ASIC2: variants seen among roughly 807,000 people sequenced by gnomAD.
The protein encoded by ASIC2 is acid-sensing ion channel 2.
In ASIC2, 25 loss-of-function variants were observed where a neutral mutation model predicts 57.3. The ratio of observed to expected loss-of-function variants is 0.44; its 90% CI spans 0.32 to 0.61. The LOEUF (loss-of-function observed/expected upper bound fraction) is 0.61, where lower values mean the gene tolerates loss of function less well. ASIC2 is among the 20% of genes least tolerant of loss of function. ASIC2 has a pLI of 0.06. For synonymous variants in ASIC2, 319 were observed against 307.5 expected (o/e 1.04, Z -0.39); for missense variants, 641 against 738.1 (o/e 0.87, Z 1.52).
chr17:33,939,813 A>C (rs1395632237), intron 1 of ASIC2, among the ~76,000 whole-genome samples: 1 of 152,210 alleles, frequency 6.6e-6, no homozygotes, highest in Non-Finnish European at 1.5e-5. Flanking sequence ...CTCATGGGAC[A>C]CATGATTTCT....
At chr17:33,779,421 A>G (rs540882564) in intron 1 of ASIC2, among the ~76,000 whole-genome samples, 1 of 152,338 alleles carries the variant, frequency 6.6e-6, no homozygotes, top group African/African-American at 2.4e-5. Flanking sequence ...CGGCTCAGCA[A>G]AAGTCTAGTT....
At chr17:33,781,984 G>A (rs1233333759) in intron 1 of ASIC2, among the ~76,000 whole-genome samples, 1 of 152,072 alleles carries the variant, frequency 6.6e-6, no homozygotes, top group East Asian at 1.9e-4. Flanking sequence ...CCCCTGCATG[G>A]TCTCCCTGCC....
rs560043249 is a variant in ASIC2 at position 33,200,210 on chromosome 17, CTT to C, written c.709-88145_709-88144del. Among the ~76,000 whole-genome samples the C allele has an allele frequency of 1.2e-3, 178 of 152,344 alleles. 1 individual carries two copies. The highest frequency in any genetic ancestry group is 1.4e-3 in the Non-Finnish European group (93 of 68,040). ...CTGAAATGGCTTTTTCTTCTTCTCT[CTT>C]GGACTGAAGGCGAGTCTCACATCTG... is the stretch of plus-strand genomic sequence containing the variant. On this transcript the variant is annotated intron_variant, in intron 1 of 9. Transcript: ENST00000225823.
chr17:33,617,416 C>T lies in ASIC2; in HGVS notation c.556-505349G>A, dbSNP rs542865676. Among the ~76,000 whole-genome samples, 7 of 152,270 alleles carry T rather than the reference C, an allele frequency of 4.6e-5. No homozygotes were observed. In the South Asian group the frequency reaches 1.5e-3, roughly 32 times the overall value. Reference sequence around the variant, plus strand: ...CACAGAAACAGAAAACCAAATACCACGTGTTCTCACTTGTAAGTGGGGGCT... The same window carrying T: ...CACAGAAACAGAAAACCAAATACCATGTGTTCTCACTTGTAAGTGGGGGCT... On this transcript the variant is annotated intron_variant, in intron 1 of 9. Transcript: ENST00000359872.
intron 1 of ASIC2, among the ~76,000 whole-genome samples, chr17:33,121,294 C>G (rs1487396069): frequency 6.6e-6 from 1 of 152,208 alleles, no homozygotes; most frequent in Non-Finnish European, 1.5e-5. Flanking sequence ...GGAACCACAT[C>G]AGGCCTTGGG....
In ASIC2 at chr17:33,034,448, G is replaced by A. The variant is rs140466375; in HGVS notation, c.988-6056C>T. On this transcript the variant is annotated intron_variant, in intron 3 of 9. Transcript: ENST00000225823. Reference sequence around the variant, plus strand: ...GGAGTTCAAGGCTACAGTGAGCTATGATTGTGCCACTGCACTCCAGCCTGG... The same window carrying A: ...GGAGTTCAAGGCTACAGTGAGCTATAATTGTGCCACTGCACTCCAGCCTGG... Among the ~76,000 whole-genome samples the A allele has an allele frequency of 5.2e-3, 796 of 152,328 alleles. 5 individuals carry two copies. The highest frequency in any genetic ancestry group is 0.018 in the African/African-American group (750 of 41,572).
intron 2 of ASIC2, chr17:33,100,199 G>C (rs1464317212): frequency 6.6e-6 from 1 of 152,226 alleles, no homozygotes; most frequent in Non-Finnish European, 1.5e-5. Context: ...ACTTTAGCAG[G>C]ACTCCCAAGA....
chr17:33,343,798 C>T (rs532650806), intron 1 of ASIC2, among the ~76,000 whole-genome samples: 1 of 152,218 alleles, frequency 6.6e-6, no homozygotes, highest in Non-Finnish European at 1.5e-5. Flanking sequence ...ATTATCACTA[C>T]CCCCAATCTG....
At chr17:33,825,436 T>C (rs1446474046) in intron 1 of ASIC2, among the ~76,000 whole-genome samples, 2 of 152,206 alleles carry the variant, frequency 1.3e-5, no homozygotes, top group Admixed American at 1.3e-4. Flanking sequence ...ACAATCATCA[T>C]TCCATTCCTA....
Position 33,038,057 on chromosome 17 carries a change from A to G in ASIC2, c.988-9665T>C, listed in dbSNP as rs1307412202. 2.6e-5 allele frequency among the ~76,000 whole-genome samples: 4 copies of G among 152,208 alleles called. No homozygotes were observed. In the East Asian group the frequency reaches 7.7e-4, roughly 29 times the overall value. ...AGAATGAGAGATAGCAGAATGACCC[A>G]TGCAGAACCTCGAACTCCTCTCTTT... is the stretch of plus-strand genomic sequence containing the variant. On this transcript the variant is annotated intron_variant, in intron 3 of 9. Coordinates refer to ENST00000225823, the MANE Select transcript of ASIC2 (RefSeq NM_183377.2).
In ASIC2 at chr17:33,677,286, CT is replaced by C. The variant is rs1248752723; in HGVS notation, c.555+478691del. 2.0e-5 allele frequency among the ~76,000 whole-genome samples: 3 copies of C among 152,296 alleles called. No homozygotes were observed. In the East Asian group the frequency reaches 5.8e-4, roughly 29 times the overall value. On this transcript the variant is annotated intron_variant, in intron 1 of 9. Coordinates refer to the ASIC2 transcript ENST00000359872. ...CAAAGCTTCAAAGAACAGGGTAACT[CT>C]TTTGTTAGAGGCCAGCGTAGGAGGT...
chr17:34,059,995 T>C (rs1205077892), intron 1 of ASIC2, among the ~76,000 whole-genome samples: 2 of 152,194 alleles, frequency 1.3e-5, no homozygotes, highest in Non-Finnish European at 2.9e-5. Flanking sequence ...CTACTACAGC[T>C]GATACTTTCT....
chr17:33,757,311 C>T (rs542138320), intron 1 of ASIC2, among the ~76,000 whole-genome samples: 10 of 152,276 alleles, frequency 6.6e-5, no homozygotes, highest in African/African-American at 2.4e-4. Context: ...AGCAGATTCT[C>T]CTGCGGGACA....
intron 1 of ASIC2, among the ~76,000 whole-genome samples, chr17:33,765,866 C>T (rs1263124365): frequency 6.6e-6 from 1 of 152,196 alleles, no homozygotes; most frequent in African/African-American, 2.4e-5. Flanking sequence ...TCCGCTGTAC[C>T]GCACAGCCCC....
In ASIC2 at chr17:33,694,249, G is replaced by A. The variant is rs986727602; in HGVS notation, c.555+461729C>T. 1.2e-4 allele frequency among the ~76,000 whole-genome samples: 19 copies of A among 152,284 alleles called. No homozygotes were observed. In the East Asian group the frequency reaches 2.1e-3, roughly 17 times the overall value. On this transcript the variant is annotated intron_variant, in intron 1 of 9. Transcript: ENST00000359872. ...AACCTGGTGTTGGCACATTTACAGA[G>A]TCTGGGAAACTTGAGTTCTTCATAT...
intron 1 of ASIC2, among the ~76,000 whole-genome samples, chr17:33,776,101 C>T (rs1911265401): frequency 6.8e-6 from 1 of 147,160 alleles, no homozygotes; most frequent in African/African-American, 2.5e-5. Flanking sequence ...CCACTACACT[C>T]CAGCTTATGT....
intron 1 of ASIC2, among the ~76,000 whole-genome samples, chr17:33,405,835 A>G (rs1377710021): frequency 6.6e-6 from 1 of 151,590 alleles, no homozygotes; most frequent in African/African-American, 2.4e-5. Context: ...CATACCCTGA[A>G]CCATCTTCTG....
At chr17:33,904,431 C>G (rs1915303232) in intron 1 of ASIC2, among the ~76,000 whole-genome samples, 1 of 152,098 alleles carries the variant, frequency 6.6e-6, no homozygotes, top group Non-Finnish European at 1.5e-5. Flanking sequence ...TTAGAATTAC[C>G]TGGGGAACTT....
At chr17:34,007,333 T>G (rs1906560781) in intron 1 of ASIC2, among the ~76,000 whole-genome samples, 1 of 152,210 alleles carries the variant, frequency 6.6e-6, no homozygotes, top group Non-Finnish European at 1.5e-5. Context: ...GCAACTTCAC[T>G]GTTGCTAAAC....
Sources: allele counts gnomAD v4.1 joint callset (sites outside exome capture counted in the v4.1 genomes callset), GRCh38; gene constraint gnomAD v4.1.1; transcripts MANE v1.5; gene names NCBI Gene and HGNC (gene_info 2026-07-23, HGNC 2026-07-21).